The following CNTN4 variants were observed in gnomAD, a reference collection of about 807,000 sequenced individuals.
CNTN4 encodes the protein contactin 4, also known as contactin-4.
A neutral mutation model predicts 122.5 loss-of-function variants in CNTN4; 77 were observed. The ratio of observed to expected loss-of-function variants is 0.63; its 90% CI spans 0.52 to 0.76. The LOEUF (loss-of-function observed/expected upper bound fraction) is 0.76. CNTN4 is among the 30% of genes least tolerant of loss of function. CNTN4 has a pLI of 0.00. For synonymous variants in CNTN4, 512 were observed against 447.0 expected, an observed-to-expected ratio of 1.15 and a Z score of -1.83; for missense variants, 1,256 against 1,259.1, an observed-to-expected ratio of 1.00 and a Z score of 0.04.
At chr3:2,672,129 T>G (rs1441474152) in intron 4 of CNTN4, among the ~76,000 whole-genome samples, 1 of 152,350 alleles carries the variant, frequency 6.6e-6, no homozygotes, top group African/African-American at 2.4e-5. Flanking sequence ...GAACCACCAC[T>G]GTCTTCCAAG....
chr3:2,783,793 A>G (rs1265106799), intron 6 of CNTN4, among the ~76,000 whole-genome samples: 2 of 152,202 alleles, frequency 1.3e-5, no homozygotes, highest in Admixed American at 6.5e-5. Context: ...ATATCATTTG[A>G]TCACTGCAGG....
chr3:2,726,649 C>T (rs1476442811), intron 4 of CNTN4, among the ~76,000 whole-genome samples: 1 of 152,204 alleles, frequency 6.6e-6, no homozygotes, highest in Non-Finnish European at 1.5e-5. Context: ...CTTTTATTCT[C>T]ATGAGTAAAC....
intron 3 of CNTN4, among the ~76,000 whole-genome samples, chr3:2,498,531 C>G (rs1413251055): frequency 6.6e-6 from 1 of 152,074 alleles, no homozygotes. Context: ...GGCTGGAGTG[C>G]ATGCAGTGGC....
At chr3:2,377,039 C>T (rs1285257561) in intron 3 of CNTN4, among the ~76,000 whole-genome samples, 1 of 152,032 alleles carries the variant, frequency 6.6e-6, no homozygotes, top group Non-Finnish European at 1.5e-5. Context: ...ACCTGTAGTC[C>T]CAGCTACTTG....
chr3:2,165,115 G>C (rs1307781827), intron 2 of CNTN4, among the ~76,000 whole-genome samples: 2 of 152,082 alleles, frequency 1.3e-5, no homozygotes, highest in African/African-American at 4.8e-5. Context: ...CTGAGGTCAG[G>C]AGGTCGAGAC....
At chr3:2,405,356 G>A (rs781177514) in intron 3 of CNTN4, among the ~76,000 whole-genome samples, 1 of 152,146 alleles carries the variant, frequency 6.6e-6, no homozygotes, top group African/African-American at 2.4e-5. Flanking sequence ...GCTCTTTGAA[G>A]TAGCTGATTT....
At chr3:2,120,396 TATATATA>T (rs2033677717) in intron 2 of CNTN4, among the ~76,000 whole-genome samples, 3 of 30,962 alleles carry the variant, frequency 9.7e-5, no homozygotes, top group African/African-American at 2.7e-4. Context: ...TATATATATA[TATATATA>T]TATTTTTTTT....
rs558760940 is a variant in CNTN4, at chr3:2,992,956, C to G, written c.1486+4484C>G. 2.0e-5 allele frequency among the ~76,000 whole-genome samples: 3 copies of G among 152,204 alleles called. No individual in the cohort carries two copies. The South Asian group carries it at 6.2e-4, about 32-fold the overall frequency. On this transcript the variant is annotated intron_variant, in intron 14 of 24. Coordinates refer to ENST00000418658, the MANE Select transcript of CNTN4 (RefSeq NM_175607.3). ...ACAAATCTAACTCCTAGGGAGGAGGCCTGGAAAAACCTACATTTAAAATAA... is the reference window on the plus strand; with the variant it reads ...ACAAATCTAACTCCTAGGGAGGAGGGCTGGAAAAACCTACATTTAAAATAA...
At chr3:3,045,955 C>T (rs1700601747) in intron 23 of CNTN4, among the ~76,000 whole-genome samples, 1 of 152,164 alleles carries the variant, frequency 6.6e-6, no homozygotes, top group Admixed American at 6.6e-5. Flanking sequence ...AGCTGAAAAC[C>T]ATGGCACGAG....
intron 2 of CNTN4, among the ~76,000 whole-genome samples, chr3:2,130,648 C>G (rs948565704): frequency 6.6e-6 from 1 of 152,104 alleles, no homozygotes; most frequent in Non-Finnish European, 1.5e-5. Context: ...GAAACTGGCT[C>G]TAGTGTAATT....
chr3:2,428,860 C>T (rs1575608742), intron 3 of CNTN4, among the ~76,000 whole-genome samples: 1 of 152,136 alleles, frequency 6.6e-6, no homozygotes, highest in African/African-American at 2.4e-5. Flanking sequence ...TCCAGTTGAT[C>T]GAATCGGCTA....
chr3:2,296,486 GA>G (rs11329014), intron 2 of CNTN4, among the ~76,000 whole-genome samples: 47,615 of 151,668 alleles, frequency 0.31, 7,976 homozygotes, highest in East Asian at 0.58. Context: ...AAGTTTGTTA[GA>G]AAAAAAGAGG....
intron 3 of CNTN4, among the ~76,000 whole-genome samples, chr3:2,429,454 G>T (rs1171163514): frequency 6.6e-6 from 1 of 152,180 alleles, no homozygotes; most frequent in Non-Finnish European, 1.5e-5. Flanking sequence ...CTTCGTCTCA[G>T]ATGGGCACCC....
intron 3 of CNTN4, among the ~76,000 whole-genome samples, chr3:2,392,802 T>G (rs2046489155): frequency 6.6e-6 from 1 of 152,206 alleles, no homozygotes; most frequent in Non-Finnish European, 1.5e-5. Context: ...CCCATTCTAT[T>G]AGTTTCCTAG....
At chr3:2,393,260 A>AG (rs36037191) in intron 3 of CNTN4, among the ~76,000 whole-genome samples, 144,149 of 152,212 alleles carry the variant, frequency 0.95, 68,284 homozygotes, top group East Asian at 1. Flanking sequence ...GGCACACCCT[A>AG]TGACCATATC....
At chr3:2,388,645 G>A (rs1438773279) in intron 3 of CNTN4, among the ~76,000 whole-genome samples, 1 of 152,112 alleles carries the variant, frequency 6.6e-6, no homozygotes, top group African/African-American at 2.4e-5. Context: ...AGGAGTTTAA[G>A]ACCAACCGGG....
intron 2 of CNTN4, among the ~76,000 whole-genome samples, chr3:2,281,160 A>T (rs1424816430): frequency 6.6e-6 from 1 of 152,168 alleles, no homozygotes; most frequent in African/African-American, 2.4e-5. Context: ...GCTTTTTGTG[A>T]TTACCAGATA....
At chr3:2,649,000 T>A (rs949040933) in intron 4 of CNTN4, among the ~76,000 whole-genome samples, 3 of 152,210 alleles carry the variant, frequency 2.0e-5, no homozygotes, top group African/African-American at 7.2e-5. Flanking sequence ...AGCGAAAGCC[T>A]AATCCAAAGC....
intron 4 of CNTN4, among the ~76,000 whole-genome samples, chr3:2,664,486 T>A (rs989567796): frequency 6.6e-6 from 1 of 152,144 alleles, no homozygotes; most frequent in African/African-American, 2.4e-5. Context: ...GTTGGAGAAG[T>A]TTTATATAGT....
Sources: allele counts gnomAD v4.1 joint callset (sites outside exome capture counted in the v4.1 genomes callset), GRCh38; gene constraint gnomAD v4.1.1; transcripts MANE v1.5; gene names NCBI Gene and HGNC (gene_info 2026-07-23, HGNC 2026-07-21).